Variants in DOCK10 observed in about 807,000 individuals in gnomAD.
The protein encoded by DOCK10 is dedicator of cytokinesis protein 10.
In DOCK10, 145 loss-of-function variants were observed where a neutral mutation model predicts 280.1. The observed-to-expected ratio is 0.52, with a 90% CI of 0.45 to 0.59. The LOEUF is 0.59. Ranked by LOEUF, DOCK10 falls within the 20% of genes least tolerant of loss-of-function variation. The pLI is 0.00. For missense variants in DOCK10, 2,368 were observed against 2,651.7 expected (o/e 0.89, Z 2.35); for synonymous variants, 915 against 942.2 (o/e 0.97, Z 0.53).
intron 1 of DOCK10, among the ~76,000 whole-genome samples, chr2:224,997,977 GCAAA>G (rs1706320448): frequency 6.6e-6 from 1 of 152,046 alleles, no homozygotes; most frequent in South Asian, 2.1e-4. Context: ...CAACATTCTG[GCAAA>G]CAAAGATGTG....
intron 2 of DOCK10, among the ~76,000 whole-genome samples, chr2:224,931,275 C>T (rs955269007): frequency 5.9e-5 from 9 of 152,180 alleles, no homozygotes; most frequent in African/African-American, 1.7e-4. Flanking sequence ...GTTAGAAACC[C>T]AGACATTGGC....
At chr2:224,840,112 T>G (rs1468870753) in intron 23 of DOCK10, 40 bp from the exon 24 acceptor site, 1 of 970,998 alleles carries the variant, frequency 1.0e-6, no homozygotes, top group Non-Finnish European at 1.6e-6. Flanking sequence ...CCAATTAAAT[T>G]TGAAGCATGT....
At chr2:224,846,073 C>T (rs527939586) in intron 19 of DOCK10, among the ~76,000 whole-genome samples, 1 of 152,264 alleles carries the variant, frequency 6.6e-6, no homozygotes, top group East Asian at 1.9e-4. Context: ...GTGCTGGATG[C>T]ACTCATTTAA....
At chr2:224,766,839 G>A (rs1274569462) in intron 55 of DOCK10, among the ~76,000 whole-genome samples, 1 of 152,060 alleles carries the variant, frequency 6.6e-6, no homozygotes, top group African/African-American at 2.4e-5. Flanking sequence ...TGGAATTTTG[G>A]CACCTATAAA....
At chr2:224,798,779 G>A (rs1574840253) in intron 41 of DOCK10, among the ~76,000 whole-genome samples, 1 of 151,958 alleles carries the variant, frequency 6.6e-6, no homozygotes, top group Non-Finnish European at 1.5e-5. Flanking sequence ...CTACAGGCAT[G>A]TGCCACCATA....
chr2:224,941,507 A>T (rs563660226), intron 1 of DOCK10, among the ~76,000 whole-genome samples: 1 of 152,260 alleles, frequency 6.6e-6, no homozygotes, highest in South Asian at 2.1e-4. Flanking sequence ...GTCACCAGGC[A>T]CCTCAGGGGA....
Position 224,779,215 on chromosome 2 carries a change from C to G in DOCK10, c.5656-931G>C, listed in dbSNP as rs1691112763. Among the ~76,000 whole-genome samples, 2 of 142,844 alleles carry G rather than the reference C, an allele frequency of 1.4e-5. 1 individual carries two copies. Among genetic ancestry groups the G allele is most frequent in the Admixed American group, 1.5e-4 (2 of 13,730 alleles). 93.7% of individuals were successfully genotyped at this position (142,844 alleles called of 152,430 possible). ...TTCGGAGTTAAGAACCCAAGGATATCTGGTTTCTTTTTTTTTTTTTGGCAG... is the reference window on the plus strand; with the variant it reads ...TTCGGAGTTAAGAACCCAAGGATATGTGGTTTCTTTTTTTTTTTTTGGCAG... On this transcript the variant is annotated intron_variant, in intron 50 of 55. Transcript: ENST00000258390.
At chr2:225,027,836 A>C (rs182777812) in intron 1 of DOCK10, among the ~76,000 whole-genome samples, 2 of 152,190 alleles carry the variant, frequency 1.3e-5, no homozygotes, top group Admixed American at 6.5e-5. Flanking sequence ...CACAATCCTC[A>C]TAAGAATTTT....
intron 30 of DOCK10, among the ~76,000 whole-genome samples, chr2:224,815,102 T>A (rs1243948573): frequency 6.6e-6 from 1 of 152,174 alleles, no homozygotes; most frequent in South Asian, 2.1e-4. Flanking sequence ...GATTTGATCA[T>A]GGGGACAGTT....
intron 1 of DOCK10, among the ~76,000 whole-genome samples, chr2:225,028,750 C>G (rs1689993477): frequency 6.6e-6 from 1 of 152,122 alleles, no homozygotes; most frequent in African/African-American, 2.4e-5. Context: ...CCCAGGGGCA[C>G]AAGTGGGCCT....
At chr2:224,870,896 G>A (rs541805153) in intron 11 of DOCK10, among the ~76,000 whole-genome samples, 398 of 137,804 alleles carry the variant, frequency 2.9e-3, no homozygotes, top group African/African-American at 9.5e-3. Context: ...GCATGATCTC[G>A]GCTTACTGCA....
chr2:224,905,812 A>G (rs1246479989), intron 3 of DOCK10, among the ~76,000 whole-genome samples: 1 of 152,010 alleles, frequency 6.6e-6, no homozygotes, highest in Non-Finnish European at 1.5e-5. Flanking sequence ...CTCCTTCTCC[A>G]TTCTTTACAC....
intron 8 of DOCK10, 121 bp from the exon 9 acceptor site, chr2:224,874,872 G>A (rs1698524691): frequency 1.2e-6 from 1 of 806,672 alleles, no homozygotes. Context: ...GTGAGCCTAA[G>A]CTTTCATTGT....
intron 44 of DOCK10, among the ~76,000 whole-genome samples, chr2:224,795,662 T>A (rs1302460192): frequency 6.6e-6 from 1 of 152,200 alleles, no homozygotes; most frequent in African/African-American, 2.4e-5. Context: ...AGAGGAAAGC[T>A]GAGCTGACAG....
chr2:225,025,212 C>T (rs1410410815), intron 1 of DOCK10, among the ~76,000 whole-genome samples: 1 of 152,096 alleles, frequency 6.6e-6, no homozygotes, highest in Non-Finnish European at 1.5e-5. Context: ...GAGTAAGAAT[C>T]GTGAAGGAGT....
intron 3 of DOCK10, among the ~76,000 whole-genome samples, chr2:224,899,514 A>G (rs996757320): frequency 1.3e-5 from 2 of 152,200 alleles, no homozygotes; most frequent in African/African-American, 4.8e-5. Flanking sequence ...TATGTTAGAA[A>G]ATGGTGGTGT....
intron 31 of DOCK10, 38 bp downstream of exon 31, chr2:224,814,282 G>C: frequency 7.4e-7 from 1 of 1,349,372 alleles, no homozygotes; most frequent in South Asian, 1.5e-5. Flanking sequence ...TTGGATTACA[G>C]GTGGTTACTG....
chr2:224,896,023 G>A (rs1412252762), intron 4 of DOCK10, among the ~76,000 whole-genome samples: 1 of 151,968 alleles, frequency 6.6e-6, no homozygotes, highest in Non-Finnish European at 1.5e-5. Context: ...TGAAAAAACA[G>A]CTCACAGAAT....
intron 19 of DOCK10, among the ~76,000 whole-genome samples, chr2:224,846,115 A>G (rs1696332278): frequency 6.6e-6 from 1 of 152,234 alleles, no homozygotes; most frequent in African/African-American, 2.4e-5. Flanking sequence ...GCTAGCAGTG[A>G]TGTATTCACA....
Sources: gnomAD v4.1 joint callset for allele counts (sites outside exome capture counted in the v4.1 genomes callset) on GRCh38, gnomAD v4.1.1 for gene constraint, MANE v1.5 for transcripts, NCBI Gene and HGNC (gene_info 2026-07-23, HGNC 2026-07-21) for gene names.